The following ZDHHC21 variants were observed in gnomAD, a reference collection of about 807,000 sequenced individuals.
The protein encoded by ZDHHC21 is palmitoyltransferase ZDHHC21.
A neutral mutation model predicts 34.6 loss-of-function variants in ZDHHC21; 15 were observed. That is an observed-to-expected ratio of 0.43 (90% CI 0.29 to 0.67). ZDHHC21 has a LOEUF of 0.67. Among genes scored for constraint, ZDHHC21 ranks in the 30% least tolerant of loss-of-function variants. ZDHHC21 has a pLI of 0.14. For synonymous variants in ZDHHC21, 142 were observed against 101.8 expected (o/e 1.40, Z -2.38); for missense variants, 344 against 327.7 (o/e 1.05, Z -0.38).
intron 7 of ZDHHC21, among the ~76,000 whole-genome samples, chr9:14,645,277 C>T (rs1455102437): frequency 6.6e-6 from 1 of 151,766 alleles, no homozygotes; most frequent in Non-Finnish European, 1.5e-5. Context: ...GATCAACAGA[C>T]TAGAAAAGAA....
At chr9:14,639,732 G>A (rs1828991475) in intron 8 of ZDHHC21, among the ~76,000 whole-genome samples, 164 bp downstream of exon 8, 1 of 152,026 alleles carries the variant, frequency 6.6e-6, no homozygotes, top group Non-Finnish European at 1.5e-5. Flanking sequence ...TGTATACTTT[G>A]TACTTGATTA....
intron 3 of ZDHHC21, among the ~76,000 whole-genome samples, chr9:14,674,975 AG>A (rs1343293641): frequency 3.3e-5 from 5 of 152,186 alleles, no homozygotes; most frequent in Admixed American, 2.0e-4. Context: ...TGTGCACTCT[AG>A]TTTAATTTTA....
chr9:14,665,992 A>C (rs1016906112), intron 5 of ZDHHC21, among the ~76,000 whole-genome samples: 5 of 150,054 alleles, frequency 3.3e-5, no homozygotes, highest in African/African-American at 1.2e-4. Flanking sequence ...AAATTCACAC[A>C]TAACAATATT....
chr9:14,589,540 A>G, the ZDHHC21 span: 2 of 152,136 alleles, frequency 1.3e-5, no homozygotes, highest in African/African-American at 4.8e-5. Flanking sequence ...CTGCAGAGCA[A>G]AAGTTTCAGA....
rs536185144 is a variant in ZDHHC21, at chr9:14,611,717, C to T, written c.*7249G>A. 1 of 151,952 alleles carries T rather than the reference C, an allele frequency of 6.6e-6. No individual in the cohort carries two copies. The highest frequency in any genetic ancestry group is 2.1e-4 in the South Asian group (1 of 4,834). 9.4% of individuals were successfully genotyped at this position (151,952 alleles called of 1,614,324 possible). A position where few individuals can be genotyped will look rare whatever the true frequency, so the allele number is the denominator to read the frequency against. On this transcript the variant is annotated 3_prime_UTR_variant, in exon 10 of 10. Coordinates refer to ENST00000380916, the MANE Select transcript of ZDHHC21 (RefSeq NM_178566.6). ...CAGTTAGATCACACACAAAAAAACA[C>T]TAATTCCAGGGACACAAAGTGAGCT...
intron 6 of ZDHHC21, among the ~76,000 whole-genome samples, chr9:14,659,597 C>A (rs1832976698): frequency 6.6e-6 from 1 of 152,110 alleles, no homozygotes; most frequent in Non-Finnish European, 1.5e-5. Context: ...CAGCAAAAAA[C>A]CCTAGTTCAA....
At chr9:14,603,620 T>A in the ZDHHC21 span, among the ~76,000 whole-genome samples, 8 of 152,176 alleles carry the variant, frequency 5.3e-5, no homozygotes, top group Non-Finnish European at 7.3e-5. Context: ...TCTACCCTCA[T>A]GTGATATATA....
At chr9:14,677,161 T>C (rs1054356784) in intron 3 of ZDHHC21, among the ~76,000 whole-genome samples, 5 of 152,026 alleles carry the variant, frequency 3.3e-5, no homozygotes, top group Non-Finnish European at 7.4e-5. Context: ...TAGTTTAAAA[T>C]ATGTCCATTT....
intron 2 of ZDHHC21, among the ~76,000 whole-genome samples, chr9:14,684,783 C>G (rs9765077): frequency 2.0e-5 from 3 of 152,096 alleles, no homozygotes; most frequent in African/African-American, 7.2e-5. Context: ...GGAGGCATCA[C>G]GCTACCTGAC....
At position 14,613,262 on chromosome 9, in the gene ZDHHC21, C is replaced by T. The variant is rs999642862; in HGVS notation, c.*5704G>A. On this transcript the variant is annotated 3_prime_UTR_variant, in exon 10 of 10. Transcript: ENST00000380916. ...TAAATTCTACTTTATAAATACACAACGATGTGAGAAGAAAACTCAGTCAAC... is the reference window on the plus strand; with the variant it reads ...TAAATTCTACTTTATAAATACACAATGATGTGAGAAGAAAACTCAGTCAAC... 7.3e-5 allele frequency: 11 copies of T among 151,670 alleles called. No individual in the cohort carries two copies. Among genetic ancestry groups the T allele is most frequent in the African/African-American group, 1.5e-4 (6 of 41,346 alleles). 9.4% of individuals were successfully genotyped at this position (151,670 alleles called of 1,614,324 possible).
intron 8 of ZDHHC21, among the ~76,000 whole-genome samples, chr9:14,638,902 G>A (rs1828781482): frequency 6.6e-6 from 1 of 151,956 alleles, no homozygotes; most frequent in Non-Finnish European, 1.5e-5. Context: ...GTACACTGTT[G>A]GTGGGAATGT....
chr9:14,674,492 T>A, intron 3 of ZDHHC21, 107 bp from the exon 4 acceptor site: 1 of 595,920 alleles, frequency 1.7e-6, no homozygotes, highest in Admixed American at 3.9e-5. Context: ...TTTGCATATT[T>A]GACATTTTCT....
chr9:14,609,980 C>T (rs956675913), downstream of ZDHHC21, among the ~76,000 whole-genome samples: 3 of 152,038 alleles, frequency 2.0e-5, no homozygotes, highest in African/African-American at 7.2e-5. Flanking sequence ...CAACTTTCTT[C>T]TATGAAGGCA....
At chr9:14,653,545 C>A (rs1454128044) in intron 7 of ZDHHC21, among the ~76,000 whole-genome samples, 5 of 151,890 alleles carry the variant, frequency 3.3e-5, no homozygotes, top group African/African-American at 1.2e-4. Context: ...CAGTTACAGC[C>A]TCAAGGGTTT....
At chr9:14,600,977 T>C in the ZDHHC21 span, among the ~76,000 whole-genome samples, 1 of 152,174 alleles carries the variant, frequency 6.6e-6, no homozygotes, top group Admixed American at 6.5e-5. Flanking sequence ...ACCCCTTCCT[T>C]ACACCTTATA....
intron 7 of ZDHHC21, among the ~76,000 whole-genome samples, chr9:14,646,840 A>G (rs1196939219): frequency 2.0e-5 from 3 of 152,052 alleles, no homozygotes; most frequent in South Asian, 2.1e-4. Flanking sequence ...CATCTGATAT[A>G]TATCTATTTA....
downstream of ZDHHC21, among the ~76,000 whole-genome samples, chr9:14,608,627 G>A (rs1031266072): frequency 6.6e-6 from 1 of 151,620 alleles, no homozygotes. Context: ...TGCTGTGACT[G>A]ATACAAATAT....
chr9:14,647,655 A>G (rs1830493829), intron 7 of ZDHHC21, among the ~76,000 whole-genome samples: 1 of 139,774 alleles, frequency 7.2e-6, no homozygotes, highest in Non-Finnish European at 1.6e-5. Context: ...ACAGTCCATC[A>G]TGATAATTTC....
intron 8 of ZDHHC21, among the ~76,000 whole-genome samples, chr9:14,622,959 T>C (rs1286651144): frequency 6.6e-6 from 1 of 152,050 alleles, no homozygotes; most frequent in Non-Finnish European, 1.5e-5. Context: ...TACACGTAGT[T>C]ACCTAATGAC....
Sources: allele counts gnomAD v4.1 joint callset (sites outside exome capture counted in the v4.1 genomes callset), GRCh38; gene constraint gnomAD v4.1.1; transcripts MANE v1.5; gene names NCBI Gene and HGNC (gene_info 2026-07-23, HGNC 2026-07-21).